The following IL17RE variants were observed in gnomAD, a reference collection of about 807,000 sequenced individuals.
IL17RE encodes interleukin 17 receptor E, also known as interleukin-17 receptor E.
A neutral mutation model predicts 70.7 loss-of-function variants in IL17RE; 47 were observed. The observed-to-expected ratio is 0.67, with a 90% CI of 0.53 to 0.85. IL17RE has a LOEUF of 0.85. Ranked by LOEUF, IL17RE falls within the 40% of genes least tolerant of loss-of-function variation. The pLI, the probability that IL17RE is intolerant of heterozygous loss-of-function variation, is 0.00. For missense variants in IL17RE, 850 were observed against 893.9 expected (o/e 0.95, Z 0.63); for synonymous variants, 372 against 381.2 (o/e 0.98, Z 0.28).
At chr3:9,904,307 T>C (rs1331269920) in intron 3 of IL17RE, among the ~76,000 whole-genome samples, 156 bp downstream of exon 3, 1 of 150,846 alleles carries the variant, frequency 6.6e-6, no homozygotes, top group East Asian at 1.9e-4. Flanking sequence ...ATGACTGATA[T>C]TCACAAATAC....
chr3:9,910,773 AAACAT>A, intron 8 of IL17RE, 87 bp from the exon 9 acceptor site: 1 of 1,155,302 alleles, frequency 8.7e-7, no homozygotes, highest in Non-Finnish European at 1.2e-6. Context: ...TTACTTTTAC[AAACAT>A]TATCTCCAGC....
upstream of IL17RE, among the ~76,000 whole-genome samples, chr3:9,902,401 A>G (rs1355750817): frequency 6.6e-6 from 1 of 152,118 alleles, no homozygotes; most frequent in East Asian, 1.9e-4. Context: ...TATGGGCTTC[A>G]TGTGCATCCT....
intron 2 of IL17RE, 72 bp downstream of exon 2, chr3:9,903,484 A>G (rs2082684245): frequency 3.9e-6 from 6 of 1,544,386 alleles, no homozygotes; most frequent in Admixed American, 1.7e-5. Flanking sequence ...CAAGCCCTCC[A>G]TTCTAATTTT....
Position 9,915,171 on chromosome 3 carries a change from G to T in IL17RE, c.1448-80G>T. 7.5e-7 allele frequency: 1 copy of T among 1,341,172 alleles called. No homozygotes were observed. Among genetic ancestry groups the T allele is most frequent in the South Asian group, 1.9e-5 (1 of 51,604 alleles). 83.1% of individuals were successfully genotyped at this position (1,341,172 alleles called of 1,614,324 possible). A position where few individuals can be genotyped will look rare whatever the true frequency, so the allele number is the denominator to read the frequency against. On this transcript the variant is annotated intron_variant, in intron 15 of 15. Transcript: ENST00000383814. The surrounding 1 kb of genome is among the most constrained non-coding windows in gnomAD (Gnocchi z 4.9). ...GGGGGCGGAGAGGCGAGCACCCTAC[G>T]GTATCCCGAGAGGGTGGGGAGAAGA...
At chr3:9,904,469 T>G (rs547744123) in intron 3 of IL17RE, among the ~76,000 whole-genome samples, 1 of 152,354 alleles carries the variant, frequency 6.6e-6, no homozygotes, top group African/African-American at 2.4e-5. Flanking sequence ...ACATACTAAA[T>G]GCCCTTACAT....
In IL17RE at chr3:9,911,516, G is replaced by A. The variant is rs1290678071; in HGVS notation, c.1146G>A (p.Met382Ile). The change falls in exon 12 of 16, where the codon ATG becomes ATA. Residue 382 changes from methionine to isoleucine, a missense_variant. Coordinates refer to ENST00000383814, the MANE Select transcript of IL17RE (RefSeq NM_153480.2). ...TGATTCTTCACTTCTCCTCAAGAAT[G>A]CATGCCACCTTCAGTGCTGCCTGGA... Reference protein sequence around the residue: ...QQLILHFSSRMHATFSAAWSL... With the variant: ...QQLILHFSSRIHATFSAAWSL... 2 of 1,614,126 alleles carry A rather than the reference G, an allele frequency of 1.2e-6. No individual in the cohort carries two copies. The highest frequency in any genetic ancestry group is 3.3e-5 in the Admixed American group (2 of 60,018).
At chr3:9,908,167 G>C in intron 6 of IL17RE, 72 bp from the exon 7 acceptor site, 1 of 1,277,754 alleles carries the variant, frequency 7.8e-7, no homozygotes, top group Non-Finnish European at 1.1e-6. Context: ...TCCCAGCACT[G>C]TTCTGCCCTT....
rs1175767964 is a variant in IL17RE, at chr3:9,911,570, G to T, written c.1200G>T (p.Leu400Phe). 1 of 1,614,040 alleles carries T rather than the reference G, an allele frequency of 6.2e-7. No homozygotes were observed. The highest frequency in any genetic ancestry group is 2.2e-5 in the East Asian group (1 of 44,864). Residue 400 changes from leucine to phenylalanine, a missense_variant, in exon 12 of 16, where the codon TTG becomes TTT. Transcript: ENST00000383814. ...TCCCAGGCTTGGGGCAGGACACTTT[G>T]GTGCCCCCCGTGTACACTGTCAGCC... ...WSLPGLGQDTLVPPVYTVSQA... is the reference protein window; with the variant it reads ...WSLPGLGQDTFVPPVYTVSQA...
chr3:9,906,989 T>A lies in IL17RE; in HGVS notation c.555T>A (p.Pro185=). The change falls in exon 6 of 16, where the codon CCT becomes CCA. Residue 185 remains proline, a synonymous_variant. Coordinates refer to ENST00000383814, the MANE Select transcript of IL17RE (RefSeq NM_153480.2). ...CCGAGTTCTCCTTTGATTTGCTGCCTGAGGCCCGGGCTATTCGGGTGACCA... is the reference window on the plus strand; with the variant it reads ...CCGAGTTCTCCTTTGATTTGCTGCCAGAGGCCCGGGCTATTCGGGTGACCA... ...GGPEFSFDLL[P]EARAIRVTIS... The A allele has an allele frequency of 1.2e-6, 2 of 1,614,184 alleles. No individual in the cohort carries two copies. The highest frequency in any genetic ancestry group is 1.7e-6 in the Non-Finnish European group (2 of 1,180,028).
chr3:9,915,494 T>G lies in IL17RE; in HGVS notation c.1691T>G (p.Leu564Arg). 7.6e-7 allele frequency: 1 copy of G among 1,313,538 alleles called. No homozygotes were observed. The highest frequency in any genetic ancestry group is 1.5e-5 in the African/African-American group (1 of 64,794). The allele number at this position is 1,313,538 out of a possible 1,614,324, so 81.4% of individuals were successfully genotyped here. Reference protein sequence around the residue: ...TVLLLWSGADLRPVSGPDPRA... With the variant: ...TVLLLWSGADRRPVSGPDPRA... ...CTGCTGCTGTGGAGCGGCGCCGACCTTCGCCCGGTCAGCGGCCCCGACCCC... is the reference window on the plus strand; with the variant it reads ...CTGCTGCTGTGGAGCGGCGCCGACCGTCGCCCGGTCAGCGGCCCCGACCCC... Residue 564 changes from leucine (L) to arginine (R), a missense_variant, in exon 16 of 16, where the codon CTT becomes CGT. Coordinates refer to ENST00000383814, the MANE Select transcript of IL17RE (RefSeq NM_153480.2). This position sits in a 1 kb window ranked among gnomAD's most constrained non-coding sequence, Gnocchi z 4.9.
At chr3:9,906,588 C>A in intron 4 of IL17RE, 118 bp from the exon 5 acceptor site, 1 of 1,373,938 alleles carries the variant, frequency 7.3e-7, no homozygotes, top group East Asian at 2.3e-5. Context: ...TATTACACAG[C>A]TAGGGAGGCC....
intron 8 of IL17RE, 39 bp downstream of exon 8, chr3:9,909,322 C>T (rs774626389): frequency 6.0e-5 from 92 of 1,540,654 alleles, no homozygotes; most frequent in Non-Finnish European, 8.0e-5. Flanking sequence ...CACACACATC[C>T]CCTTTCTCTT....
At chr3:9,914,462 C>T (rs2082963676) in intron 13 of IL17RE, 86 bp from the exon 14 acceptor site, 2 of 1,578,020 alleles carry the variant, frequency 1.3e-6, no homozygotes, top group Non-Finnish European at 1.7e-6. Flanking sequence ...GTGGGGACTC[C>T]CCTCTCCCCC....
chr3:9,915,618 G>C lies in IL17RE; in HGVS notation c.1815G>C (p.Pro605=), dbSNP rs1456737115. 8 of 1,412,444 alleles carry C rather than the reference G, an allele frequency of 5.7e-6. No homozygotes were observed. The African/African-American group carries it at 9.0e-5, about 16-fold the overall frequency. 87.5% of individuals were successfully genotyped at this position (1,412,444 alleles called of 1,614,324 possible). A position where few individuals can be genotyped will look rare whatever the true frequency, so the allele number is the denominator to read the frequency against. Residue 605 remains proline (P), a synonymous_variant, in exon 16 of 16, where the codon CCG becomes CCC. Transcript: ENST00000383814. This position sits in a 1 kb window ranked among gnomAD's most constrained non-coding sequence, Gnocchi z 4.9. The part of the protein sequence containing the change: ...SRLCAKGDIP[P]PLRALPRYRL... Reference sequence around the variant, plus strand: ...TCTGCGCCAAGGGCGACATCCCCCCGCCGCTGCGCGCCCTGCCGCGCTACC... The same window carrying C: ...TCTGCGCCAAGGGCGACATCCCCCCCCCGCTGCGCGCCCTGCCGCGCTACC...
chr3:9,905,094 CAAAA>C (rs71626946), intron 3 of IL17RE, among the ~76,000 whole-genome samples: 4 of 56,160 alleles, frequency 7.1e-5, no homozygotes, highest in African/African-American at 1.4e-4. Context: ...GACCCTGTCT[CAAAA>C]AAAAAAAAAA....
Position 9,915,652 on chromosome 3 carries a change from C to A in IL17RE, c.1849C>A (p.Arg617Ser). 2 of 1,403,254 alleles carry A rather than the reference C, an allele frequency of 1.4e-6. No individual in the cohort carries two copies. Among genetic ancestry groups the A allele is most frequent in the Non-Finnish European group, 1.8e-6 (2 of 1,085,136 alleles). 86.9% of individuals were successfully genotyped at this position (1,403,254 alleles called of 1,614,324 possible). ...CGCCCTGCCGCGCTACCGCCTGCTG[C>A]GCGACCTGCCGCGTCTGCTGCGGGC... ...LRALPRYRLLRDLPRLLRALD... is the reference protein window; with the variant it reads ...LRALPRYRLLSDLPRLLRALD... Residue 617 changes from arginine to serine, a missense_variant, in exon 16 of 16, where the codon CGC becomes AGC. Arg to Ser is a moderately radical substitution (Grantham distance 110). Transcript: ENST00000383814. The surrounding 1 kb of genome is among the most constrained non-coding windows in gnomAD (Gnocchi z 4.9).
Position 9,910,939 on chromosome 3 carries a change from C to T in IL17RE, c.877C>T (p.Leu293Phe). The change falls in exon 9 of 16, where the codon CTC becomes TTC. Residue 293 changes from leucine (L) to phenylalanine (F), a missense_variant. By Grantham distance (22) the Leu-to-Phe change is conservative (BLOSUM62 0). Coordinates refer to ENST00000383814, the MANE Select transcript of IL17RE (RefSeq NM_153480.2). Reference protein sequence around the residue: ...QHTQMVMALTLRCPLKLEAAL... With the variant: ...QHTQMVMALTFRCPLKLEAAL... ...CACTCAGATGGTCATGGCCCTGACA[C>T]TCCGCTGCCCACTGAAGCTGGAAGC... 6.2e-7 allele frequency: 1 copy of T among 1,614,210 alleles called. No individual in the cohort carries two copies. The highest frequency in any genetic ancestry group is 8.5e-7 in the Non-Finnish European group (1 of 1,180,036).
Position 9,903,028 on chromosome 3 carries a change from C to T in IL17RE, c.96C>T (p.Pro32=), listed in dbSNP as rs1203004673. The change falls in exon 1 of 16, where the codon CCC becomes CCT. Residue 32 remains proline, a synonymous_variant. Coordinates refer to ENST00000383814, the MANE Select transcript of IL17RE (RefSeq NM_153480.2). ...DSAGIGFRHL[P]HWNTRCPLAS... is the part of the protein sequence containing the mutation. ...CTGGGATTGGCTTTCGCCACCTGCC[C>T]CACTGGAACACCCGCTGTCCTCTGG... is the stretch of plus-strand genomic sequence containing the variant. The T allele has an allele frequency of 1.9e-6, 3 of 1,614,230 alleles. No homozygotes were observed. The Admixed American group carries it at 5.0e-5, about 27-fold the overall frequency.
Position 9,914,730 on chromosome 3 carries a change from C to T in IL17RE, c.1400C>T (p.Thr467Ile), listed in dbSNP as rs189832357. The T allele has an allele frequency of 6.2e-7, 1 of 1,614,102 alleles. No individual in the cohort carries two copies. The highest frequency in any genetic ancestry group is 8.5e-7 in the Non-Finnish European group (1 of 1,180,008). ...LLILALLALL[T>I]LLGVVLALTC... ...ATCCTGGCACTGCTGGCCCTCCTCA[C>T]CCTACTGGGTGTTGTTCTGGCCCTC... The change falls in exon 15 of 16, where the codon ACC becomes ATC. Residue 467 changes from threonine (T) to isoleucine (I), a missense_variant. Physicochemically the swap from Thr to Ile is moderately conservative, Grantham distance 89. Coordinates refer to ENST00000383814, the MANE Select transcript of IL17RE (RefSeq NM_153480.2).
Sources: allele counts gnomAD v4.1 joint callset (sites outside exome capture counted in the v4.1 genomes callset), GRCh38; gene constraint gnomAD v4.1.1; non-coding constraint Gnocchi (gnomAD v3.1); transcripts MANE v1.5; gene names NCBI Gene and HGNC (gene_info 2026-07-23, HGNC 2026-07-21).